NCBP1: variants seen among roughly 807,000 people sequenced by gnomAD.
The protein encoded by NCBP1 is nuclear cap binding protein subunit 1.
In NCBP1, 16 loss-of-function variants were observed where a neutral mutation model predicts 111.7. The observed-to-expected ratio is 0.14, with a 90% CI of 0.10 to 0.22. The LOEUF (loss-of-function observed/expected upper bound fraction) is 0.22, where lower values mean the gene tolerates loss of function less well. Ranked by LOEUF, NCBP1 falls within the 10% of genes least tolerant of loss-of-function variation. The pLI is 1.00. For missense variants in NCBP1, 607 were observed against 957.5 expected (o/e 0.63, Z 4.83); for synonymous variants, 304 against 314.3 (o/e 0.97, Z 0.35).
At chr9:97,660,738 G>A (rs1420674382) in intron 15 of NCBP1, among the ~76,000 whole-genome samples, 1 of 152,082 alleles carries the variant, frequency 6.6e-6, no homozygotes, top group Admixed American at 6.5e-5. Flanking sequence ...AATGAGAATT[G>A]TCCCTTTTTA....
At chr9:97,650,972 T>C (rs1157245445) in intron 9 of NCBP1, among the ~76,000 whole-genome samples, 1 of 152,112 alleles carries the variant, frequency 6.6e-6, no homozygotes, top group Non-Finnish European at 1.5e-5. Flanking sequence ...TCTTAAACTT[T>C]GGGAAGTTTG....
At position 97,654,888 on chromosome 9, in the gene NCBP1, G is replaced by A. The variant is rs1244328984; in HGVS notation, c.1179G>A (p.Gln393=). ...QPGSLPQVLA[Q]ATEMLYMRLD... ...TTATCCTAAATTCACAGCTTGCACAGGCAACTGAAATGCTATACATGCGTT... is the reference window on the plus strand; with the variant it reads ...TTATCCTAAATTCACAGCTTGCACAAGCAACTGAAATGCTATACATGCGTT... Residue 393 remains glutamine, a synonymous_variant, in exon 12 of 23, where the codon CAG becomes CAA. Coordinates refer to ENST00000375147, the MANE Select transcript of NCBP1 (RefSeq NM_002486.5). 3 of 1,613,486 alleles carry A rather than the reference G, an allele frequency of 1.9e-6. No homozygotes were observed. The highest frequency in any genetic ancestry group is 1.7e-6 in the Non-Finnish European group (2 of 1,179,782).
At chr9:97,647,978 A>G in intron 7 of NCBP1, 30 bp from the exon 8 acceptor site, 1 of 1,503,070 alleles carries the variant, frequency 6.7e-7, no homozygotes, top group Non-Finnish European at 9.1e-7. Context: ...TGTTAATTAT[A>G]TTAATGATTA....
intron 18 of NCBP1, among the ~76,000 whole-genome samples, chr9:97,663,280 G>A (rs1290242378): frequency 6.6e-6 from 1 of 152,156 alleles, no homozygotes; most frequent in African/African-American, 2.4e-5. Flanking sequence ...TGTTTTAAAT[G>A]TTCAGGAAAA....
At position 97,671,483 on chromosome 9, in the gene NCBP1, T is replaced by C; in HGVS notation, c.*284T>C. On this transcript the variant is annotated 3_prime_UTR_variant, in exon 23 of 23. Transcript: ENST00000375147. ...TTTTTTTTCTCCTTAAGGCACAAAA[T>C]AATTGGTTTGAGGTATGTGAAACAC... 1 of 311,512 alleles carries C rather than the reference T, an allele frequency of 3.2e-6. No individual in the cohort carries two copies. The highest frequency in any genetic ancestry group is 6.0e-6 in the Non-Finnish European group (1 of 166,904). 19.3% of individuals were successfully genotyped at this position (311,512 alleles called of 1,614,324 possible).
intron 8 of NCBP1, among the ~76,000 whole-genome samples, chr9:97,649,334 C>T (rs1233582123): frequency 6.6e-6 from 1 of 152,152 alleles, no homozygotes; most frequent in Non-Finnish European, 1.5e-5. Flanking sequence ...GATCTCTACC[C>T]TCTAAATGTC....
At chr9:97,665,906 C>T (rs934030968) in intron 19 of NCBP1, among the ~76,000 whole-genome samples, 1 of 152,036 alleles carries the variant, frequency 6.6e-6, no homozygotes, top group South Asian at 2.1e-4. Context: ...TGTATTCTTA[C>T]AATAAATCAT....
intron 19 of NCBP1, among the ~76,000 whole-genome samples, chr9:97,664,893 C>T (rs1434870741): frequency 1.3e-5 from 2 of 152,172 alleles, no homozygotes; most frequent in East Asian, 1.9e-4. Context: ...ATTAACAAGA[C>T]ACCTGAGGGA....
chr9:97,664,768 A>C (rs1012079785), intron 19 of NCBP1, among the ~76,000 whole-genome samples: 5 of 152,176 alleles, frequency 3.3e-5, no homozygotes, highest in Non-Finnish European at 5.9e-5. Context: ...GTCCAGATGG[A>C]ACTCGGGAAG....
chr9:97,662,921 T>C (rs1286952509), intron 17 of NCBP1, 33 bp from the exon 18 acceptor site: 1 of 1,456,194 alleles, frequency 6.9e-7, no homozygotes, highest in Admixed American at 1.8e-5. Context: ...TGAATAAGTA[T>C]ATATGGTATT....
intron 14 of NCBP1, among the ~76,000 whole-genome samples, chr9:97,657,256 G>A (rs555950526): frequency 5.3e-5 from 8 of 152,292 alleles, no homozygotes; most frequent in East Asian, 3.9e-4. Context: ...ATGAGCCACC[G>A]TGCCCAGCCT....
At chr9:97,660,777 A>G (rs144428168) in intron 15 of NCBP1, among the ~76,000 whole-genome samples, 169 bp from the exon 16 acceptor site, 1 of 152,238 alleles carries the variant, frequency 6.6e-6, no homozygotes, top group Non-Finnish European at 1.5e-5. Flanking sequence ...TATTAGAAAA[A>G]GCTTTCACAT....
At chr9:97,651,208 A>G (rs1827488777) in intron 9 of NCBP1, 102 bp from the exon 10 acceptor site, 1 of 843,466 alleles carries the variant, frequency 1.2e-6, no homozygotes. Flanking sequence ...TTCAAAAAAG[A>G]TTTTTCTTTG....
intron 4 of NCBP1, 35 bp from the exon 5 acceptor site, chr9:97,645,082 T>A: frequency 6.9e-7 from 1 of 1,458,436 alleles, no homozygotes; most frequent in East Asian, 2.3e-5. Flanking sequence ...TAAAGAACAT[T>A]TAGGTTTAAT....
intron 17 of NCBP1, 63 bp from the exon 18 acceptor site, chr9:97,662,891 G>GATC (rs1198180146): frequency 7.9e-7 from 1 of 1,267,606 alleles, no homozygotes; most frequent in Non-Finnish European, 1.1e-6. Flanking sequence ...AAAAGGCTTT[G>GATC]AAAACACTAA....
Position 97,658,699 on chromosome 9 carries a change from C to T in NCBP1, c.1433C>T (p.Pro478Leu). The change falls in exon 15 of 23, where the codon CCT (proline) becomes CTT (leucine). Residue 478 changes from proline (P) to leucine (L), a missense_variant. Physicochemically the swap from Pro to Leu is moderately conservative, Grantham distance 98. This residue lies in a region of NCBP1 where 282 missense variants were observed against 376.5 expected (regional missense o/e 0.75). Transcript: ENST00000375147. ...CCTCCTACCTTCTCAGCTCTGTGTC[C>T]TGCAAACCCAACCTGCATTTACAAG... ...IVPPTFSALCPANPTCIYKYG... is the reference protein window; with the variant it reads ...IVPPTFSALCLANPTCIYKYG... 1 of 1,613,400 alleles carries T rather than the reference C, an allele frequency of 6.2e-7. No individual in the cohort carries two copies. Among genetic ancestry groups the T allele is most frequent in the East Asian group, 2.2e-5 (1 of 44,876 alleles).
chr9:97,664,332 C>T lies in NCBP1; in HGVS notation c.1798-8C>T, dbSNP rs768978826. 2 of 1,562,308 alleles carry T rather than the reference C, an allele frequency of 1.3e-6. No individual in the cohort carries two copies. Among genetic ancestry groups the T allele is most frequent in the South Asian group, 1.1e-5 (1 of 89,614 alleles). ...GTGTGATTTACTTGAATAATTCTCT[C>T]ATTGTAGATGATTGCTGTACTAGTG... On this transcript the variant is annotated splice_region_variant and splice_polypyrimidine_tract_variant and intron_variant, in intron 18 of 22. Transcript: ENST00000375147.
intron 4 of NCBP1, among the ~76,000 whole-genome samples, chr9:97,644,868 A>T (rs1485624516): frequency 4.6e-5 from 7 of 152,238 alleles, no homozygotes; most frequent in Non-Finnish European, 1.0e-4. Context: ...AAGTTTACTT[A>T]TGGGCACTGA....
At chr9:97,662,849 T>G in intron 17 of NCBP1, 105 bp from the exon 18 acceptor site, 1 of 811,688 alleles carries the variant, frequency 1.2e-6, no homozygotes, top group Non-Finnish European at 2.0e-6. Flanking sequence ...TATTTTGCAT[T>G]TATATATTGC....
Sources: allele counts gnomAD v4.1 joint callset (sites outside exome capture counted in the v4.1 genomes callset), GRCh38; gene constraint gnomAD v4.1.1; regional missense constraint gnomAD v4.1.1; transcripts MANE v1.5; gene names NCBI Gene and HGNC (gene_info 2026-07-23, HGNC 2026-07-21).